The following SLC9A9 variants were observed in gnomAD, a reference collection of about 807,000 sequenced individuals.
SLC9A9 encodes the protein sodium/hydrogen exchanger 9.
In SLC9A9, 62 loss-of-function variants were observed where a neutral mutation model predicts 77.8. The observed-to-expected ratio is 0.80, with a 90% confidence interval of 0.65 to 0.98. The LOEUF is 0.98. Ranked by LOEUF, SLC9A9 falls within the 50% of genes least tolerant of loss-of-function variation. The pLI is 0.00. For missense variants in SLC9A9, 775 were observed against 774.9 expected (o/e 1.00, Z 0.00); for synonymous variants, 320 against 283.5 (o/e 1.13, Z -1.29).
chr3:143,714,268 C>T (rs915286281), intron 4 of SLC9A9, among the ~76,000 whole-genome samples: 1 of 152,150 alleles, frequency 6.6e-6, no homozygotes, highest in Non-Finnish European at 1.5e-5. Context: ...AAACTCACCA[C>T]CTGTAAGTCT....
rs1249329863 is a variant in SLC9A9, at chr3:143,789,229, G to C, written c.533+5772C>G. On this transcript the variant is annotated intron_variant, in intron 4 of 15. Coordinates refer to ENST00000316549, the MANE Select transcript of SLC9A9 (RefSeq NM_173653.4). ...TATCTCCATACTTTACGGCCACCCT[G>C]AGTGCATCCTAGAGAAACCTTTAGT... Among the ~76,000 whole-genome samples the C allele has an allele frequency of 9.2e-5, 14 of 152,190 alleles. 1 individual carries two copies. The highest frequency in any genetic ancestry group is 4.2e-4 in the South Asian group (2 of 4,814).
intron 4 of SLC9A9, among the ~76,000 whole-genome samples, chr3:143,699,567 G>A (rs1181929666): frequency 2.0e-5 from 3 of 152,124 alleles, no homozygotes; most frequent in South Asian, 2.1e-4. Context: ...TACCGGTGCC[G>A]TGTCACAGCA....
chr3:143,828,424 C>T (rs1348442042), intron 2 of SLC9A9, among the ~76,000 whole-genome samples: 1 of 152,080 alleles, frequency 6.6e-6, no homozygotes, highest in Non-Finnish European at 1.5e-5. Flanking sequence ...TGGTCCCTGC[C>T]TTTGTGAAGT....
At chr3:143,402,244 G>T (rs1264034697) in intron 12 of SLC9A9, among the ~76,000 whole-genome samples, 1 of 152,072 alleles carries the variant, frequency 6.6e-6, no homozygotes, top group Admixed American at 6.5e-5. Context: ...GAATAAAAAG[G>T]AAGAAATTAT....
chr3:143,354,139 T>C (rs1276100066), intron 14 of SLC9A9, among the ~76,000 whole-genome samples: 3 of 152,226 alleles, frequency 2.0e-5, no homozygotes, highest in African/African-American at 7.2e-5. Context: ...CATCTATTCA[T>C]GCCACACTCA....
At chr3:143,725,178 G>C (rs1261634439) in intron 4 of SLC9A9, among the ~76,000 whole-genome samples, 1 of 152,116 alleles carries the variant, frequency 6.6e-6, no homozygotes, top group African/African-American at 2.4e-5. Flanking sequence ...TTCTAGCCTG[G>C]TGATTGGCAC....
intron 4 of SLC9A9, among the ~76,000 whole-genome samples, chr3:143,791,871 A>G (rs142618796): frequency 1.3e-5 from 2 of 152,358 alleles, no homozygotes; most frequent in African/African-American, 4.8e-5. Context: ...CATGTCTATG[A>G]GAACTCCTAC....
chr3:143,392,442 T>C (rs1322811873), intron 12 of SLC9A9, among the ~76,000 whole-genome samples: 1 of 152,168 alleles, frequency 6.6e-6, no homozygotes, highest in Non-Finnish European at 1.5e-5. Flanking sequence ...CAAGAGCTCC[T>C]GAAGGAAGCA....
rs541161278 is a variant in SLC9A9 at position 143,599,035 on chromosome 3, A to C, written c.756-20312T>G. 5.3e-5 allele frequency among the ~76,000 whole-genome samples: 8 copies of C among 152,334 alleles called. No homozygotes were observed. In the South Asian group the frequency reaches 1.4e-3, roughly 28 times the overall value. On this transcript the variant is annotated intron_variant, in intron 6 of 15. Transcript: ENST00000316549. ...GCCTCAATCCCTCATTCTAAACAAG[A>C]TTCAAATGAGTTACCCCCTCACTGA... is the stretch of plus-strand genomic sequence containing the variant.
intron 8 of SLC9A9, among the ~76,000 whole-genome samples, chr3:143,572,324 C>T (rs374553752): frequency 5.7e-5 from 8 of 140,022 alleles, no homozygotes; most frequent in Non-Finnish European, 9.4e-5. Context: ...TGTGTGTGTG[C>T]GCGTGTGTTT....
intron 4 of SLC9A9, among the ~76,000 whole-genome samples, chr3:143,739,115 C>A (rs1400703098): frequency 6.6e-6 from 1 of 152,090 alleles, no homozygotes; most frequent in Non-Finnish European, 1.5e-5. Flanking sequence ...AAGTTCCAAC[C>A]CTCTAATCAT....
At chr3:143,565,262 TA>T in intron 8 of SLC9A9, among the ~76,000 whole-genome samples, 1 of 152,140 alleles carries the variant, frequency 6.6e-6, no homozygotes, top group East Asian at 1.9e-4. Flanking sequence ...CCAACAGACA[TA>T]AAAAACCCGG....
chr3:143,512,223 G>A (rs923118139), intron 9 of SLC9A9, among the ~76,000 whole-genome samples: 1 of 152,192 alleles, frequency 6.6e-6, no homozygotes, highest in Admixed American at 6.5e-5. Context: ...TAATCATCCA[G>A]CACGGAGATT....
chr3:143,793,788 C>A (rs1405135786), intron 4 of SLC9A9, among the ~76,000 whole-genome samples: 2 of 152,160 alleles, frequency 1.3e-5, no homozygotes, highest in East Asian at 1.9e-4. Flanking sequence ...CAGGCCCCTG[C>A]AAAGTTTAGA....
At chr3:143,733,091 T>C (rs1013919132) in intron 4 of SLC9A9, among the ~76,000 whole-genome samples, 5 of 152,218 alleles carry the variant, frequency 3.3e-5, no homozygotes, top group Non-Finnish European at 1.5e-5. Context: ...TACTTCTGTT[T>C]AGTTTCATCT....
At chr3:143,746,258 C>T (rs1446758366) in intron 4 of SLC9A9, among the ~76,000 whole-genome samples, 1 of 152,136 alleles carries the variant, frequency 6.6e-6, no homozygotes, top group African/African-American at 2.4e-5. Context: ...GCAGCTTAAA[C>T]TAGAGTTGGG....
At chr3:143,425,441 A>G (rs2034386486) in intron 12 of SLC9A9, among the ~76,000 whole-genome samples, 1 of 152,226 alleles carries the variant, frequency 6.6e-6, no homozygotes, top group African/African-American at 2.4e-5. Context: ...TCCACTACCA[A>G]GAATGGCTGT....
chr3:143,546,445 T>C (rs2036790783), intron 9 of SLC9A9, among the ~76,000 whole-genome samples: 1 of 152,210 alleles, frequency 6.6e-6, no homozygotes, highest in Non-Finnish European at 1.5e-5. Context: ...TGTATTTGTA[T>C]AAAAAATTAA....
intron 6 of SLC9A9, among the ~76,000 whole-genome samples, chr3:143,597,904 C>T (rs1409037067): frequency 6.6e-6 from 1 of 152,186 alleles, no homozygotes; most frequent in Non-Finnish European, 1.5e-5. Flanking sequence ...CGCCATTATG[C>T]AACTCTGTGT....
Sources: allele counts gnomAD v4.1 joint callset (sites outside exome capture counted in the v4.1 genomes callset), GRCh38; gene constraint gnomAD v4.1.1; transcripts MANE v1.5; gene names NCBI Gene and HGNC (gene_info 2026-07-23, HGNC 2026-07-21).